Variants in LAMA2 observed in about 807,000 individuals in gnomAD.
LAMA2 encodes laminin subunit alpha-2.
LAMA2 carries 269 observed loss-of-function variants against 364.8 expected under a neutral mutation model. The ratio of observed to expected loss-of-function variants is 0.74; its 90% CI spans 0.67 to 0.82. The LOEUF (loss-of-function observed/expected upper bound fraction) is 0.82, where lower values mean the gene tolerates loss of function less well. Among genes scored for constraint, LAMA2 ranks in the 40% least tolerant of loss-of-function variants. LAMA2 has a pLI of 0.00. For missense variants in LAMA2, 3,807 were observed against 3,873.2 expected (o/e 0.98, Z 0.45); for synonymous variants, 1,379 against 1,370.6 (o/e 1.01, Z -0.14).
intron 1 of LAMA2, among the ~76,000 whole-genome samples, chr6:128,895,314 T>C (rs907300493): frequency 6.6e-6 from 1 of 151,970 alleles, no homozygotes; most frequent in African/African-American, 2.4e-5. Flanking sequence ...GTTGGACATA[T>C]GATGTTATTC....
At chr6:129,460,396 T>G in intron 49 of LAMA2, 72 bp downstream of exon 49, 2 of 1,435,534 alleles carry the variant, frequency 1.4e-6, no homozygotes, top group Non-Finnish European at 2.0e-6. Context: ...TTGCATAATA[T>G]TCTATTATCA....
chr6:129,454,069 G>T, intron 46 of LAMA2, 86 bp from the exon 47 acceptor site: 1 of 1,036,488 alleles, frequency 9.6e-7, no homozygotes, highest in East Asian at 2.4e-5. Context: ...TCTGCAAATG[G>T]CGCTTATTGA....
chr6:128,883,208 C>T lies in LAMA2; in HGVS notation c.-38C>T, dbSNP rs556025503. Reference sequence around the variant, plus strand: ...AGGGGACAGGGCGGCAGCGACTCCTCTGGCTCCCGAGAAGTGGATCCGGTC... The same window carrying T: ...AGGGGACAGGGCGGCAGCGACTCCTTTGGCTCCCGAGAAGTGGATCCGGTC... On this transcript the variant is annotated 5_prime_UTR_variant, in exon 1 of 65. Coordinates refer to ENST00000421865, the MANE Select transcript of LAMA2 (RefSeq NM_000426.4). 1 of 1,543,254 alleles carries T rather than the reference C, an allele frequency of 6.5e-7. No homozygotes were observed. Among genetic ancestry groups the T allele is most frequent in the South Asian group, 1.2e-5 (1 of 83,940 alleles).
intron 1 of LAMA2, among the ~76,000 whole-genome samples, chr6:128,976,979 C>A (rs919589146): frequency 5.3e-5 from 8 of 152,146 alleles, no homozygotes; most frequent in African/African-American, 1.4e-4. Context: ...AAAGCACAAT[C>A]CACATTTGAC....
chr6:129,326,283 T>G (rs535591718), intron 28 of LAMA2, among the ~76,000 whole-genome samples: 20 of 152,238 alleles, frequency 1.3e-4, no homozygotes, highest in African/African-American at 4.3e-4. Context: ...AGGAATTGAC[T>G]CCACCTCCTC....
At position 128,886,201 on chromosome 6, in the gene LAMA2, G is replaced by C. The variant is rs149712239; in HGVS notation, c.112+2844G>C. On this transcript the variant is annotated intron_variant, in intron 1 of 64. Coordinates refer to ENST00000421865, the MANE Select transcript of LAMA2 (RefSeq NM_000426.4). ...AAAATTGATAGAGGTGGCTAAGCTG[G>C]TTACTAACAAGTTCAGAAATTTTAA... Among the ~76,000 whole-genome samples the C allele has an allele frequency of 9.6e-4, 146 of 152,100 alleles. 2 individuals are homozygous for C. The East Asian group carries it at 0.02, about 21-fold the overall frequency.
intron 3 of LAMA2, among the ~76,000 whole-genome samples, chr6:129,079,879 T>C (rs1304134221): frequency 6.6e-6 from 1 of 152,210 alleles, no homozygotes; most frequent in Non-Finnish European, 1.5e-5. Flanking sequence ...AATTTGGCTA[T>C]ATTGTCAGAT....
intron 1 of LAMA2, among the ~76,000 whole-genome samples, chr6:128,941,119 A>G (rs1157878773): frequency 1.3e-5 from 2 of 152,248 alleles, no homozygotes; most frequent in African/African-American, 4.8e-5. Flanking sequence ...AACTTGTCTG[A>G]AAAGAGGATA....
At chr6:129,272,518 A>G (rs888224775) in intron 17 of LAMA2, among the ~76,000 whole-genome samples, 1 of 152,176 alleles carries the variant, frequency 6.6e-6, no homozygotes, top group Non-Finnish European at 1.5e-5. Context: ...TTTAAAATCC[A>G]TGTGCTTTCC....
intron 37 of LAMA2, among the ~76,000 whole-genome samples, chr6:129,400,882 T>G (rs770593237): frequency 6.6e-6 from 1 of 152,254 alleles, no homozygotes; most frequent in Admixed American, 6.5e-5. Flanking sequence ...GAATTCAATA[T>G]GTAGTACCAA....
At chr6:129,260,677 A>G (rs1787054331) in intron 14 of LAMA2, 34 bp from the exon 15 acceptor site, 1 of 1,281,088 alleles carries the variant, frequency 7.8e-7, no homozygotes, top group Non-Finnish European at 1.1e-6. Flanking sequence ...TAAGAACTTT[A>G]CTTATTCACC....
chr6:129,412,705 C>T (rs1443349699), intron 40 of LAMA2, among the ~76,000 whole-genome samples: 1 of 152,234 alleles, frequency 6.6e-6, no homozygotes, highest in African/African-American at 2.4e-5. Context: ...TTATGTCTCA[C>T]ATCACAACAC....
chr6:129,242,585 A>T (rs1288847528), intron 12 of LAMA2, among the ~76,000 whole-genome samples: 3 of 152,174 alleles, frequency 2.0e-5, no homozygotes, highest in African/African-American at 7.2e-5. Flanking sequence ...TTATTTGATT[A>T]GATCAATGTT....
At chr6:129,028,647 T>C (rs1786004992) in intron 1 of LAMA2, among the ~76,000 whole-genome samples, 1 of 151,824 alleles carries the variant, frequency 6.6e-6, no homozygotes, top group South Asian at 2.1e-4. Context: ...CAAGTTAATG[T>C]TTACAGTTTT....
At chr6:128,896,614 G>T (rs906294498) in intron 1 of LAMA2, among the ~76,000 whole-genome samples, 13 of 151,998 alleles carry the variant, frequency 8.6e-5, no homozygotes, top group African/African-American at 3.1e-4. Context: ...AACTTTTAGG[G>T]ACTGATTTTC....
intron 62 of LAMA2, among the ~76,000 whole-genome samples, chr6:129,509,815 T>C (rs1250549295): frequency 6.6e-6 from 1 of 152,192 alleles, no homozygotes; most frequent in Non-Finnish European, 1.5e-5. Flanking sequence ...TCCTTTTGCA[T>C]AGGATAGCTG....
At chr6:129,413,689 A>G (rs1374709100) in intron 40 of LAMA2, among the ~76,000 whole-genome samples, 1 of 152,192 alleles carries the variant, frequency 6.6e-6, no homozygotes, top group Admixed American at 6.5e-5. Context: ...AAAAAAACAC[A>G]GTTTAAATTT....
chr6:129,227,273 C>T (rs920299293), intron 12 of LAMA2, among the ~76,000 whole-genome samples: 2 of 152,096 alleles, frequency 1.3e-5, no homozygotes, highest in African/African-American at 2.4e-5. Context: ...GTGATGGGTT[C>T]GAACTTCCTC....
In LAMA2 at chr6:129,353,301, G is replaced by A. The variant is rs760072728; in HGVS notation, c.4661G>A (p.Gly1554Glu). 4 of 1,614,142 alleles carry A rather than the reference G, an allele frequency of 2.5e-6. No individual in the cohort carries two copies. In the East Asian group the frequency reaches 6.7e-5, roughly 27 times the overall value. The change falls in exon 32 of 65, where the codon GGA (glycine) becomes GAA (glutamate). Residue 1554 changes from glycine to glutamate, a missense_variant. Transcript: ENST00000421865. ...GFCTCRPGAT[G>E]RKCDGCKHWH... is the part of the protein sequence containing the mutation. ...TGCACGTGCCGACCTGGAGCCACGG[G>A]AAGGAAGTGTGACGGCTGCAAGCAC... is the stretch of plus-strand genomic sequence containing the variant.
Sources: gnomAD v4.1 joint callset for allele counts (sites outside exome capture counted in the v4.1 genomes callset) on GRCh38, gnomAD v4.1.1 for gene constraint, MANE v1.5 for transcripts, NCBI Gene and HGNC (gene_info 2026-07-23, HGNC 2026-07-21) for gene names.